Variants in GALNT11 observed in about 807,000 individuals in gnomAD.
The protein encoded by GALNT11 is UDP-GalNAc:polypeptide N-acetylgalactosaminyltransferase 11.
Under a neutral mutation model 72.7 loss-of-function variants are expected in GALNT11, and 47 were observed. The observed-to-expected ratio is 0.65, with a 90% CI of 0.51 to 0.82. The LOEUF (loss-of-function observed/expected upper bound fraction) is 0.82, where lower values mean the gene tolerates loss of function less well. GALNT11 is among the 40% of genes least tolerant of loss of function. The pLI, the probability that GALNT11 is intolerant of heterozygous loss-of-function variation, is 0.00. For synonymous variants in GALNT11, 270 were observed against 286.6 expected (o/e 0.94, Z 0.58); for missense variants, 677 against 778.4 (o/e 0.87, Z 1.55).
At chr7:152,066,531 C>T (rs1212389877) in intron 1 of GALNT11, among the ~76,000 whole-genome samples, 2 of 152,238 alleles carry the variant, frequency 1.3e-5, no homozygotes, top group Non-Finnish European at 2.9e-5. Flanking sequence ...CTGCGTCACT[C>T]ACGCTGGGAG....
intron 1 of GALNT11, among the ~76,000 whole-genome samples, chr7:152,067,033 C>T (rs755678113): frequency 6.6e-6 from 1 of 152,060 alleles, no homozygotes; most frequent in Non-Finnish European, 1.5e-5. Context: ...AACAAACAAA[C>T]AAAAACCACA....
intron 8 of GALNT11, 76 bp downstream of exon 8, chr7:152,113,474 T>G (rs2088462130): frequency 1.3e-6 from 2 of 1,512,068 alleles, no homozygotes; most frequent in South Asian, 2.5e-5. Flanking sequence ...TTTAGTTGCT[T>G]ACTTTTCACT....
intron 1 of GALNT11, among the ~76,000 whole-genome samples, chr7:152,058,709 G>A (rs192441801): frequency 6.6e-6 from 1 of 152,310 alleles, no homozygotes; most frequent in African/African-American, 2.4e-5. Flanking sequence ...TTTTTCTGTA[G>A]CTGTTTGATA....
At chr7:152,053,015 C>T (rs2083473645) in intron 1 of GALNT11, among the ~76,000 whole-genome samples, 1 of 152,222 alleles carries the variant, frequency 6.6e-6, no homozygotes, top group Non-Finnish European at 1.5e-5. Flanking sequence ...GCGGGCAGTT[C>T]TCCTGCTGGT....
intron 1 of GALNT11, among the ~76,000 whole-genome samples, chr7:152,070,784 G>A (rs1029349908): frequency 1.3e-5 from 2 of 152,152 alleles, no homozygotes; most frequent in Non-Finnish European, 2.9e-5. Flanking sequence ...CGGGGAATCT[G>A]CCCCAATATT....
intron 1 of GALNT11, among the ~76,000 whole-genome samples, chr7:152,042,806 T>C (rs1470995866): frequency 6.6e-6 from 1 of 152,236 alleles, no homozygotes; most frequent in Non-Finnish European, 1.5e-5. Flanking sequence ...AGTCCCAGGT[T>C]GTCCATCGGG....
rs924570075 is a variant in GALNT11, at chr7:152,107,844, C to T, written c.713-194C>T. The stretch of plus-strand genomic sequence containing the variant: ...CCCTCAATCACAGCAGGACACTGCA[C>T]GCAGCATTACTGGCTGAGGGACGTC... On this transcript the variant is annotated intron_variant, in intron 5 of 11. Transcript: ENST00000430044. 6.9e-6 allele frequency: 4 copies of T among 581,948 alleles called. No individual in the cohort carries two copies. In the East Asian group the frequency reaches 8.8e-5, roughly 13 times the overall value. 36.0% of individuals were successfully genotyped at this position (581,948 alleles called of 1,614,324 possible).
At chr7:152,079,334 A>G (rs1364171575) in intron 1 of GALNT11, 5 of 152,128 alleles carry the variant, frequency 3.3e-5, no homozygotes, top group South Asian at 2.1e-4. Context: ...CATTCATTCA[A>G]AGTGTTGAAG....
At chr7:152,097,373 G>A (rs773447865) in intron 2 of GALNT11, among the ~76,000 whole-genome samples, 14 of 152,200 alleles carry the variant, frequency 9.2e-5, no homozygotes, top group Non-Finnish European at 1.9e-4. Flanking sequence ...TGAGGATGTG[G>A]AGAAACTGGA....
In GALNT11 at chr7:152,113,193, G is replaced by C. The variant is rs900581583; in HGVS notation, c.1081-53G>C. On this transcript the variant is annotated intron_variant, in intron 7 of 11. Transcript: ENST00000430044. ...TAATTTCATTGAAAATTCATACATT[G>C]GTTTCACAACAACATGAGGCAACTG... The C allele has an allele frequency of 4.6e-6, 7 of 1,520,002 alleles. No individual in the cohort carries two copies. The African/African-American group carries it at 9.8e-5, about 21-fold the overall frequency. The allele number at this position is 1,520,002 out of a possible 1,614,324, so 94.2% of individuals were successfully genotyped here.
At chr7:152,039,962 A>C (rs1390093744) in intron 1 of GALNT11, among the ~76,000 whole-genome samples, 2 of 152,108 alleles carry the variant, frequency 1.3e-5, no homozygotes, top group African/African-American at 4.8e-5. Flanking sequence ...ATTCAATTGT[A>C]TGCGGGCTGT....
chr7:152,097,210 A>G (rs1483860679), intron 2 of GALNT11, among the ~76,000 whole-genome samples: 1 of 152,234 alleles, frequency 6.6e-6, no homozygotes, highest in Non-Finnish European at 1.5e-5. Flanking sequence ...ACATTTCTCC[A>G]AAGAAGATAT....
intron 4 of GALNT11, 92 bp downstream of exon 4, chr7:152,103,370 G>GTAGGATCCCCACCTACCAC: frequency 7.5e-7 from 1 of 1,328,382 alleles, no homozygotes; most frequent in Non-Finnish European, 1.0e-6. Flanking sequence ...TCAAGTACGT[G>GTAGGATCCCCACCTACCAC]GTAGGTGGGG....
In GALNT11 at chr7:152,100,909, C is replaced by A; in HGVS notation, c.407C>A (p.Thr136Lys). 6.2e-7 allele frequency: 1 copy of A among 1,613,636 alleles called. No homozygotes were observed. Among genetic ancestry groups the A allele is most frequent in the Non-Finnish European group, 8.5e-7 (1 of 1,179,902 alleles). ...GGCTACCACAGAGATGTGCCAGACA[C>A]AAGGAATGCAGCGTATGTGCCTTAT... Reference protein sequence around the residue: ...RLGYHRDVPDTRNAACKEKFY... With the variant: ...RLGYHRDVPDKRNAACKEKFY... Residue 136 changes from threonine to lysine, a missense_variant, in exon 3 of 12, where the codon ACA becomes AAA. Thr to Lys is a moderately conservative substitution (Grantham distance 78). Transcript: ENST00000430044.
At position 152,107,725 on chromosome 7, in the gene GALNT11, G is replaced by C. The variant is rs541251709; in HGVS notation, c.713-313G>C. On this transcript the variant is annotated intron_variant, in intron 5 of 11. Transcript: ENST00000430044. ...TCAATATCTGGGCTTCCAAAGAGTT[G>C]AGTTGTTACGGTGAGACTTTGACTC... 5 of 222,798 alleles carry C rather than the reference G, an allele frequency of 2.2e-5. No individual in the cohort carries two copies. In the South Asian group the frequency reaches 6.5e-4, roughly 29 times the overall value. 13.8% of individuals were successfully genotyped at this position (222,798 alleles called of 1,614,324 possible).
chr7:152,063,343 A>T (rs1466969608), intron 1 of GALNT11, among the ~76,000 whole-genome samples: 4 of 151,480 alleles, frequency 2.6e-5, no homozygotes, highest in Non-Finnish European at 4.4e-5. Flanking sequence ...CGTCTATTTG[A>T]TTCTTCTCTT....
chr7:152,105,654 T>C (rs1183206024), intron 5 of GALNT11, among the ~76,000 whole-genome samples: 1 of 152,232 alleles, frequency 6.6e-6, no homozygotes, highest in Admixed American at 6.5e-5. Context: ...TTATATCTTA[T>C]TCACTTATAT....
rs564006214 is a variant in GALNT11, at chr7:152,102,632, C to T, written c.420-480C>T. Among the ~76,000 whole-genome samples, 10 of 152,158 alleles carry T rather than the reference C, an allele frequency of 6.6e-5. No individual in the cohort carries two copies. In the South Asian group the frequency reaches 1.5e-3, roughly 22 times the overall value. On this transcript the variant is annotated intron_variant, in intron 3 of 11. Coordinates refer to ENST00000430044, the MANE Select transcript of GALNT11 (RefSeq NM_022087.4). Reference sequence around the variant, plus strand: ...AAATGTAAAACTCTTGAAGAAGAAACCGTATTGTTTTTGTAAATGCTTTTA... The same window carrying T: ...AAATGTAAAACTCTTGAAGAAGAAATCGTATTGTTTTTGTAAATGCTTTTA...
intron 1 of GALNT11, among the ~76,000 whole-genome samples, chr7:152,050,232 G>A (rs2083329551): frequency 6.6e-6 from 1 of 152,118 alleles, no homozygotes. Context: ...CCTGAAGCCA[G>A]CACGTCTCTG....
Sources: gnomAD v4.1 joint callset for allele counts (sites outside exome capture counted in the v4.1 genomes callset) on GRCh38, gnomAD v4.1.1 for gene constraint, MANE v1.5 for transcripts, NCBI Gene and HGNC (gene_info 2026-07-23, HGNC 2026-07-21) for gene names.